Variants in CSMD3 observed in about 807,000 individuals in gnomAD.
CSMD3 encodes CUB and sushi domain-containing protein 3.
A neutral mutation model predicts 435.2 loss-of-function variants in CSMD3; 177 were observed. That is an observed-to-expected ratio of 0.41 (90% CI 0.36 to 0.46). The LOEUF is 0.46. Among genes scored for constraint, CSMD3 ranks in the 20% least tolerant of loss-of-function variants. The pLI is 0.34. For synonymous variants in CSMD3, 1,656 were observed against 1,520.5 expected (o/e 1.09, Z -2.07); for missense variants, 4,265 against 4,504.6 (o/e 0.95, Z 1.52).
intron 10 of CSMD3, among the ~76,000 whole-genome samples, chr8:112,904,877 T>G (rs1181375315): frequency 2.0e-5 from 3 of 151,424 alleles, no homozygotes; most frequent in Non-Finnish European, 4.4e-5. Context: ...GCCACCTGCC[T>G]CTCTAAAGTA....
Position 112,380,334 on chromosome 8 carries a change from A to T in CSMD3, c.6136+18T>A. The stretch of plus-strand genomic sequence containing the variant: ...CTTGTTCTTAACCTTTTTGAATGGC[A>T]CATGATATTATTTTTACCTGTGTAT... On this transcript the variant is annotated intron_variant, in intron 38 of 70. Transcript: ENST00000297405. 7.6e-7 allele frequency: 1 copy of T among 1,309,878 alleles called. No individual in the cohort carries two copies. The highest frequency in any genetic ancestry group is 1.2e-5 in the South Asian group (1 of 84,630). 81.1% of individuals were successfully genotyped at this position (1,309,878 alleles called of 1,614,324 possible). A position where few individuals can be genotyped will look rare whatever the true frequency, so the allele number is the denominator to read the frequency against.
intron 38 of CSMD3, among the ~76,000 whole-genome samples, chr8:112,360,396 A>G (rs1451285718): frequency 6.6e-6 from 1 of 152,044 alleles, no homozygotes; most frequent in Non-Finnish European, 1.5e-5. Context: ...AAGATTTTAC[A>G]TAATATACAT....
At chr8:112,804,165 C>T (rs574938926) in intron 12 of CSMD3, among the ~76,000 whole-genome samples, 2 of 152,174 alleles carry the variant, frequency 1.3e-5, no homozygotes, top group African/African-American at 2.4e-5. Flanking sequence ...CAGAATCTAC[C>T]GGTATGGATC....
chr8:112,697,606 G>T (rs1374451747), intron 13 of CSMD3, among the ~76,000 whole-genome samples: 2 of 151,472 alleles, frequency 1.3e-5, no homozygotes, highest in Non-Finnish European at 2.9e-5. Context: ...GGGCAGGGGG[G>T]AGGGTTAGCA....
At chr8:112,296,252 G>T (rs745920530) in intron 53 of CSMD3, among the ~76,000 whole-genome samples, 2 of 152,048 alleles carry the variant, frequency 1.3e-5, no homozygotes, top group Non-Finnish European at 2.9e-5. Context: ...ATATCTCAAT[G>T]TGTAAAAATG....
chr8:112,632,265 C>A (rs984372306), intron 22 of CSMD3, among the ~76,000 whole-genome samples: 1 of 151,936 alleles, frequency 6.6e-6, no homozygotes, highest in Non-Finnish European at 1.5e-5. Context: ...AAATAACTAT[C>A]ATCATATATC....
chr8:112,598,248 T>C (rs1831948387), intron 22 of CSMD3, among the ~76,000 whole-genome samples: 1 of 137,192 alleles, frequency 7.3e-6, no homozygotes, highest in African/African-American at 2.8e-5. Flanking sequence ...AGCCAAATCA[T>C]GAGTGAACTC....
intron 69 of CSMD3, among the ~76,000 whole-genome samples, chr8:112,229,518 T>TCC (rs1301054746): frequency 6.6e-6 from 1 of 152,064 alleles, no homozygotes; most frequent in Non-Finnish European, 1.5e-5. Context: ...AGCCTCCACC[T>TCC]CCCCGGCTCA....
At chr8:112,741,433 C>T (rs2077302169) in intron 13 of CSMD3, among the ~76,000 whole-genome samples, 1 of 151,618 alleles carries the variant, frequency 6.6e-6, no homozygotes, top group Non-Finnish European at 1.5e-5. Context: ...ATTATAAAAA[C>T]AAAAGAAAAC....
chr8:113,098,557 A>C, intron 5 of CSMD3, 199 bp downstream of exon 5: 2 of 582,144 alleles, frequency 3.4e-6, no homozygotes, highest in Non-Finnish European at 3.1e-6. Flanking sequence ...TTGTTTATAC[A>C]AGTTTTGAAT....
intron 12 of CSMD3, among the ~76,000 whole-genome samples, chr8:112,825,662 A>T (rs1386803589): frequency 1.3e-5 from 2 of 152,028 alleles, no homozygotes; most frequent in Admixed American, 1.3e-4. Flanking sequence ...GCACCTGGAG[A>T]TGTCACTTGA....
intron 59 of CSMD3, among the ~76,000 whole-genome samples, chr8:112,278,458 G>T (rs1360834943): frequency 6.6e-6 from 1 of 152,142 alleles, no homozygotes; most frequent in Non-Finnish European, 1.5e-5. Context: ...GTGCCTCTCA[G>T]CTTAGACTTA....
At position 113,173,760 on chromosome 8, in the gene CSMD3, T is replaced by C. The variant is rs1196928028; in HGVS notation, c.671A>G (p.Asn224Ser). 1.2e-6 allele frequency: 2 copies of C among 1,613,762 alleles called. No individual in the cohort carries two copies. The highest frequency in any genetic ancestry group is 2.2e-5 in the East Asian group (1 of 44,822). ...AACAGGAAAATCCCACGAAGCTGTATTAACTGAATTGGCTATGCAGGTGAG... is the reference window on the plus strand; with the variant it reads ...AACAGGAAAATCCCACGAAGCTGTACTAACTGAATTGGCTATGCAGGTGAG... ...PQLTCIANSV[N>S]TASWDFPVPI... The change falls in exon 4 of 71, where the codon AAT (asparagine) becomes AGT (serine). Residue 224 changes from asparagine (N) to serine (S), a missense_variant. Physicochemically the swap from Asn to Ser is conservative, Grantham distance 46 (BLOSUM62 1). Around this residue, in one of 3 missense-constraint regions of CSMD3, gnomAD observed 731 missense variants for 755.4 expected, o/e 0.97. Transcript: ENST00000297405.
intron 1 of CSMD3, among the ~76,000 whole-genome samples, chr8:113,320,887 C>T (rs891188206): frequency 6.6e-6 from 1 of 152,108 alleles, no homozygotes; most frequent in African/African-American, 2.4e-5. Flanking sequence ...TGTTTCCACC[C>T]TTTGCTATAT....
chr8:112,646,380 GTGTT>G (rs1586880310), intron 19 of CSMD3, among the ~76,000 whole-genome samples: 2 of 151,588 alleles, frequency 1.3e-5, no homozygotes, highest in African/African-American at 4.8e-5. Context: ...GTATATCTGT[GTGTT>G]TGTGTGTGTG....
At chr8:113,161,284 A>G (rs1366834743) in intron 4 of CSMD3, among the ~76,000 whole-genome samples, 3 of 152,152 alleles carry the variant, frequency 2.0e-5, no homozygotes, top group Non-Finnish European at 4.4e-5. Context: ...GTTCTAGAAT[A>G]TCAGAAAGCT....
chr8:112,525,379 A>G (rs1824769527), intron 27 of CSMD3, among the ~76,000 whole-genome samples: 1 of 150,020 alleles, frequency 6.7e-6, no homozygotes, highest in Non-Finnish European at 1.5e-5. Flanking sequence ...ACATTTTCTT[A>G]ACTTTATTCT....
intron 2 of CSMD3, among the ~76,000 whole-genome samples, chr8:113,302,803 C>A (rs1397925612): frequency 7.0e-6 from 1 of 143,028 alleles, no homozygotes; most frequent in African/African-American, 2.6e-5. Context: ...CAGCCAATAT[C>A]ATACTGAATG....
At chr8:112,945,666 A>G (rs1396345238) in intron 9 of CSMD3, among the ~76,000 whole-genome samples, 3 of 151,206 alleles carry the variant, frequency 2.0e-5, no homozygotes, top group East Asian at 3.9e-4. Flanking sequence ...ATTAAAAAAA[A>G]CAATGTATTT....
Sources: allele counts gnomAD v4.1 joint callset (sites outside exome capture counted in the v4.1 genomes callset), GRCh38; gene constraint gnomAD v4.1.1; regional missense constraint gnomAD v4.1.1; transcripts MANE v1.5; gene names NCBI Gene and HGNC (gene_info 2026-07-23, HGNC 2026-07-21).